Variants in DHRS12 observed in about 807,000 individuals in gnomAD.
The protein encoded by DHRS12 is dehydrogenase/reductase SDR family member 12.
A neutral mutation model predicts 32.1 loss-of-function variants in DHRS12; 29 were observed. The ratio of observed to expected loss-of-function variants is 0.90; its 90% confidence interval spans 0.67 to 1.23. DHRS12 has a LOEUF of 1.23. Among genes scored for constraint, DHRS12 ranks in the 50% most tolerant of loss-of-function variants. The pLI, the probability that DHRS12 is intolerant of heterozygous loss-of-function variation, is 0.00. For synonymous variants in DHRS12, 150 were observed against 135.9 expected, an observed-to-expected ratio of 1.10 and a Z score of -0.72; for missense variants, 330 against 337.2, an observed-to-expected ratio of 0.98 and a Z score of 0.17.
In DHRS12 at chr13:51,769,198, A is replaced by G; in HGVS notation, c.655T>C (p.Ser219Pro). ...CTGGGCTGTGCGGCTGCGGCAGAGGAGAGGGCCAGCCACAGCATGGTGTCC... is the reference window on the plus strand; with the variant it reads ...CTGGGCTGTGCGGCTGCGGCAGAGGGGAGGGCCAGCCACAGCATGGTGTCC... Reference protein sequence around the residue: ...GADTMLWLALSSAAAAQPSGR... With the variant: ...GADTMLWLALPSAAAAQPSGR... The change falls in exon 8 of 9, where the codon TCC (serine) becomes CCC (proline). Residue 219 changes from serine (S) to proline (P), a missense_variant. By Grantham distance (74) the Ser-to-Pro change is moderately conservative (BLOSUM62 -1). Transcript: ENST00000444610. The G allele has an allele frequency of 6.4e-7, 1 of 1,563,722 alleles. No homozygotes were observed. The highest frequency in any genetic ancestry group is 8.7e-7 in the Non-Finnish European group (1 of 1,155,402).
downstream of DHRS12, chr13:51,767,741 A>G: frequency 6.8e-6 from 1 of 147,440 alleles, no homozygotes; most frequent in Non-Finnish European, 1.3e-5. Context: ...TGCTTCTGGG[A>G]CCATGCACAG....
Position 51,777,091 on chromosome 13 carries a change from G to C in DHRS12, c.332C>G (p.Pro111Arg), listed in dbSNP as rs773579777. Reference protein sequence around the residue: ...GVYILTTGLIPVLEKEHDPRV... With the variant: ...GVYILTTGLIRVLEKEHDPRV... ...GGGGTCGTGTTCTTTCTCCAGCACA[G>C]GGATCAGGCCGGTCGTGAGAATGTA... Residue 111 changes from proline (P) to arginine (R), a missense_variant, in exon 5 of 9, where the codon CCT becomes CGT. Physicochemically the swap from Pro to Arg is moderately radical, Grantham distance 103 (BLOSUM62 -2). Coordinates refer to ENST00000444610, the MANE Select transcript of DHRS12 (RefSeq NM_001377533.1). 1.2e-6 allele frequency: 2 copies of C among 1,614,008 alleles called. No individual in the cohort carries two copies. The highest frequency in any genetic ancestry group is 1.1e-5 in the South Asian group (1 of 91,092).
chr13:51,760,027 T>C, the DHRS12 span: 14 of 383,102 alleles, frequency 3.7e-5, no homozygotes, highest in African/African-American at 1.8e-4. Flanking sequence ...CTGTGCTGCA[T>C]TGTTTTGAGT....
At chr13:51,780,644 T>G (rs879408687) in intron 4 of DHRS12, among the ~76,000 whole-genome samples, 3 of 152,162 alleles carry the variant, frequency 2.0e-5, no homozygotes, top group Non-Finnish European at 2.9e-5. Context: ...AACAAGAACT[T>G]TTATTACATG....
Position 51,790,069 on chromosome 13 carries a change from G to A in DHRS12, c.243C>T (p.Val81=), listed in dbSNP as rs769768398. 6.3e-7 allele frequency: 1 copy of A among 1,598,040 alleles called. No homozygotes were observed. Among genetic ancestry groups the A allele is most frequent in the South Asian group, 1.1e-5 (1 of 87,618 alleles). ...CATCTTCTGTGAGCTCTCTTTTATT[G>A]ACCATGCAACCTGCATTATTGATCT... The part of the protein sequence containing the change: ...HVLINNAGCM[V]NKRELTEDGL... Residue 81 remains valine, a synonymous_variant, in exon 4 of 9, where the codon GTC becomes GTT. Coordinates refer to ENST00000444610, the MANE Select transcript of DHRS12 (RefSeq NM_001377533.1).
At position 51,771,843 on chromosome 13, in the gene DHRS12, A is replaced by G; in HGVS notation, c.537T>C (p.His179=). 6.2e-7 allele frequency: 1 copy of G among 1,614,116 alleles called. No individual in the cohort carries two copies. The highest frequency in any genetic ancestry group is 1.1e-5 in the South Asian group (1 of 91,080). Residue 179 remains histidine, a synonymous_variant, in exon 7 of 9, where the codon CAT becomes CAC. Transcript: ENST00000444610. ...TACCTGGGGTGTCGGCCCAGCCAGG[A>G]TGCATGGAAGAAAAATGGATGGCCG... is the stretch of plus-strand genomic sequence containing the variant. The part of the protein sequence containing the change: ...GHPAIHFSSM[H]PGWADTPGVR...
chr13:51,763,790 C>A (rs1003546384), downstream of DHRS12: 1 of 152,130 alleles, frequency 6.6e-6, no homozygotes, highest in African/African-American at 2.4e-5. Context: ...AGAGCAAGGC[C>A]CTGAATAAAT....
the DHRS12 span, chr13:51,760,483 C>T: frequency 0.32 from 48,594 of 152,002 alleles, 9,543 homozygotes; most frequent in Middle Eastern, 0.46. Context: ...GAAAGCTGCT[C>T]CCAACCATGG....
chr13:51,778,003 G>C (rs1403850488), intron 4 of DHRS12, among the ~76,000 whole-genome samples: 3 of 152,232 alleles, frequency 2.0e-5, no homozygotes, highest in Admixed American at 1.3e-4. Flanking sequence ...CTATGCCATG[G>C]AGTCTCTGTG....
intron 1 of DHRS12, among the ~76,000 whole-genome samples, chr13:51,800,719 G>A (rs1036926887): frequency 6.6e-6 from 1 of 152,252 alleles, no homozygotes; most frequent in Non-Finnish European, 1.5e-5. Flanking sequence ...CGGGGAAGTG[G>A]CCAAAGGATG....
chr13:51,763,518 G>T (rs953005861), downstream of DHRS12: 2 of 152,168 alleles, frequency 1.3e-5, no homozygotes, highest in African/African-American at 4.8e-5. Context: ...AAAAGTAAAG[G>T]CCAGGTGCCA....
intron 7 of DHRS12, chr13:51,770,854 CTT>C (rs1485939814): frequency 2.7e-6 from 3 of 1,091,180 alleles, no homozygotes; most frequent in East Asian, 6.8e-5. Context: ...GCAGCAGAGT[CTT>C]CAGCCCTGAA....
chr13:51,771,349 C>A, intron 7 of DHRS12: 1 of 1,610,602 alleles, frequency 6.2e-7, no homozygotes. Context: ...TCCCCTCCAC[C>A]GCTGCTCCAA....
chr13:51,769,073 A>C (rs1412482930), intron 8 of DHRS12, 83 bp downstream of exon 8: 12 of 1,538,928 alleles, frequency 7.8e-6, no homozygotes, highest in Non-Finnish European at 1.1e-5. Flanking sequence ...CCCAGGTTTC[A>C]CGGAGGGGAA....
At chr13:51,787,701 TA>T (rs1289707300) in intron 4 of DHRS12, among the ~76,000 whole-genome samples, 1 of 140,616 alleles carries the variant, frequency 7.1e-6, no homozygotes, top group African/African-American at 2.6e-5. Context: ...TAAATATATA[TA>T]AATATATAAT....
chr13:51,797,951 C>A, intron 2 of DHRS12: 1 of 1,517,580 alleles, frequency 6.6e-7, no homozygotes. Context: ...ACAGCGAGAG[C>A]TACAGAAACC....
the DHRS12 span, chr13:51,761,532 T>A: frequency 6.6e-6 from 1 of 152,148 alleles, no homozygotes; most frequent in Non-Finnish European, 1.5e-5. Flanking sequence ...CCCCACAGTG[T>A]CTTGCTCTCT....
At chr13:51,784,055 T>C (rs1954840546) in intron 4 of DHRS12, among the ~76,000 whole-genome samples, 1 of 152,294 alleles carries the variant, frequency 6.6e-6, no homozygotes, top group East Asian at 1.9e-4. Context: ...TCATCCCCAT[T>C]TTACAGAATG....
the DHRS12 span, among the ~76,000 whole-genome samples, chr13:51,758,028 A>G: frequency 2.7e-5 from 4 of 150,496 alleles, no homozygotes; most frequent in East Asian, 7.8e-4. Flanking sequence ...TTTTTTTTTT[A>G]TCATAACTGG....
Sources: gnomAD v4.1 joint callset for allele counts (sites outside exome capture counted in the v4.1 genomes callset) on GRCh38, gnomAD v4.1.1 for gene constraint, MANE v1.5 for transcripts, NCBI Gene and HGNC (gene_info 2026-07-23, HGNC 2026-07-21) for gene names.